The following CWH43 variants were observed in gnomAD, a reference collection of about 807,000 sequenced individuals.
CWH43 encodes PGAP2-interacting protein.
A neutral mutation model predicts 85.7 loss-of-function variants in CWH43; 91 were observed. The ratio of observed to expected loss-of-function variants is 1.06; its 90% CI spans 0.90 to 1.26. The LOEUF (loss-of-function observed/expected upper bound fraction) is 1.26, where lower values mean the gene tolerates loss of function less well. Among genes scored for constraint, CWH43 ranks in the 50% most tolerant of loss-of-function variants. The pLI, the probability that CWH43 is intolerant of heterozygous loss-of-function variation, is 0.00. For missense variants in CWH43, 869 were observed against 839.2 expected (o/e 1.04, Z -0.44); for synonymous variants, 323 against 293.6 (o/e 1.10, Z -1.02).
intron 9 of CWH43, among the ~76,000 whole-genome samples, chr4:49,021,539 T>C (rs1577680776): frequency 2.0e-5 from 3 of 152,252 alleles, no homozygotes; most frequent in Admixed American, 2.0e-4. Flanking sequence ...TGCAGACTCT[T>C]TTTTTGTTCC....
rs184293251 is a variant in CWH43 at position 49,039,627 on chromosome 4, G to A, written c.1803+1447G>A. Among the ~76,000 whole-genome samples the A allele has an allele frequency of 6.6e-5, 10 of 150,724 alleles. No individual in the cohort carries two copies. In the East Asian group the frequency reaches 1.4e-3, roughly 21 times the overall value. ...ATTTTACTACTTTAACTCTTCTTAG[G>A]GTGTAACATTATTTACAGAGTTTGG... is the stretch of plus-strand genomic sequence containing the variant. On this transcript the variant is annotated intron_variant, in intron 13 of 15. Transcript: ENST00000226432.
At chr4:49,051,874 G>A (rs970479602) in intron 15 of CWH43, among the ~76,000 whole-genome samples, 1 of 152,166 alleles carries the variant, frequency 6.6e-6, no homozygotes, top group Non-Finnish European at 1.5e-5. Context: ...ACCGTGCCCG[G>A]CCTTGTTTTG....
chr4:49,007,831 A>G (rs563011657), intron 8 of CWH43, among the ~76,000 whole-genome samples: 2 of 152,302 alleles, frequency 1.3e-5, no homozygotes, highest in Admixed American at 1.3e-4. Context: ...CTAGTATTCC[A>G]TGGTGTATAT....
chr4:49,046,057 TC>T (rs1408786914), intron 14 of CWH43, among the ~76,000 whole-genome samples: 1 of 152,066 alleles, frequency 6.6e-6, no homozygotes, highest in Non-Finnish European at 1.5e-5. Flanking sequence ...ACTCTCAACT[TC>T]TTTTTTATTT....
At chr4:48,991,415 C>T in intron 2 of CWH43, 39 bp from the exon 3 acceptor site, 1 of 1,611,602 alleles carries the variant, frequency 6.2e-7, no homozygotes, top group Non-Finnish European at 8.5e-7. Context: ...CCAATCCATA[C>T]TTGCCAGAAA....
At chr4:49,019,770 G>A (rs182949151) in intron 9 of CWH43, among the ~76,000 whole-genome samples, 1 of 152,064 alleles carries the variant, frequency 6.6e-6, no homozygotes, top group Admixed American at 6.6e-5. Context: ...AGCAGAGACA[G>A]GATTTCACCA....
intron 13 of CWH43, among the ~76,000 whole-genome samples, chr4:49,044,386 AACAGAT>A (rs1784557963): frequency 6.6e-6 from 1 of 152,204 alleles, no homozygotes; most frequent in Admixed American, 6.5e-5. Flanking sequence ...GAGACATAGA[AACAGAT>A]ACCTGGCACG....
At position 48,986,479 on chromosome 4, in the gene CWH43, C is replaced by G. The variant is rs547848767; in HGVS notation, c.43+7C>G. On this transcript the variant is annotated splice_region_variant and intron_variant, in intron 1 of 15. Transcript: ENST00000226432. ...CTCTTGGAGTCGCTGCTGGGTAAGC[C>G]GAAGCCCCTCGCCGCGAGTTCGCGG... 3.9e-6 allele frequency: 6 copies of G among 1,553,446 alleles called. No homozygotes were observed. The African/African-American group carries it at 6.8e-5, about 18-fold the overall frequency.
chr4:48,988,994 A>G (rs4695415), intron 2 of CWH43, among the ~76,000 whole-genome samples: 85,071 of 152,104 alleles, frequency 0.56, 27,093 homozygotes, highest in Middle Eastern at 0.74. Context: ...AGCCATTTAA[A>G]AAAGTTTGTT....
At chr4:49,057,407 G>A (rs1785001195) in intron 15 of CWH43, among the ~76,000 whole-genome samples, 3 of 152,216 alleles carry the variant, frequency 2.0e-5, no homozygotes, top group Non-Finnish European at 4.4e-5. Context: ...TTTCTGATTA[G>A]CCTCTCTGAA....
chr4:49,059,842 G>A (rs1785087707), intron 15 of CWH43, among the ~76,000 whole-genome samples: 1 of 152,086 alleles, frequency 6.6e-6, no homozygotes, highest in African/African-American at 2.4e-5. Context: ...TGATTCCTGG[G>A]GTAGATGTGT....
At chr4:49,009,565 G>T (rs184228503) in intron 8 of CWH43, among the ~76,000 whole-genome samples, 1 of 152,104 alleles carries the variant, frequency 6.6e-6, no homozygotes, top group African/African-American at 2.4e-5. Flanking sequence ...GTTTTCAAAC[G>T]GAATGCTTCC....
intron 6 of CWH43, among the ~76,000 whole-genome samples, chr4:49,001,183 A>T (rs948442517): frequency 2.0e-5 from 3 of 152,220 alleles, no homozygotes; most frequent in Non-Finnish European, 4.4e-5. Context: ...CAGTTAAATT[A>T]GTAAAGCCAG....
At chr4:48,995,873 T>C (rs1246518499) in intron 5 of CWH43, among the ~76,000 whole-genome samples, 2 of 151,886 alleles carry the variant, frequency 1.3e-5, no homozygotes, top group Non-Finnish European at 2.9e-5. Flanking sequence ...TGTCTCTCTT[T>C]AGCAGAATCT....
chr4:49,044,727 A>T, intron 13 of CWH43, 59 bp from the exon 14 acceptor site: 1 of 1,368,240 alleles, frequency 7.3e-7, no homozygotes, highest in Non-Finnish European at 1.0e-6. Flanking sequence ...TTTTTTGGCA[A>T]TGTGGAATAG....
At chr4:49,007,004 G>A (rs1410262834) in intron 7 of CWH43, 197 bp from the exon 8 acceptor site, 3 of 468,996 alleles carry the variant, frequency 6.4e-6, no homozygotes, top group East Asian at 7.9e-5. Flanking sequence ...TTTAAAGCAC[G>A]ATTCCTAGAA....
intron 9 of CWH43, among the ~76,000 whole-genome samples, chr4:49,019,377 G>A (rs1368981660): frequency 1.3e-5 from 2 of 152,046 alleles, no homozygotes; most frequent in African/African-American, 4.8e-5. Flanking sequence ...CACATATAAA[G>A]GACTGAGGGA....
intron 12 of CWH43, among the ~76,000 whole-genome samples, chr4:49,036,708 T>A (rs1271447164): frequency 8.5e-5 from 13 of 152,222 alleles, no homozygotes. Flanking sequence ...TTTCCCACAG[T>A]CCCTTGCCTT....
In CWH43 at chr4:48,993,744, A is replaced by T. The variant is rs1423652925; in HGVS notation, c.512-875A>T. Among the ~76,000 whole-genome samples the T allele has an allele frequency of 2.0e-5, 3 of 151,918 alleles. No homozygotes were observed. The East Asian group carries it at 5.8e-4, about 29-fold the overall frequency. Reference sequence around the variant, plus strand: ...TGTGTGAACTTGGAAAGGCTACCTGATCTCTCTGTGTCTGTTTTCTTGTTT... The same window carrying T: ...TGTGTGAACTTGGAAAGGCTACCTGTTCTCTCTGTGTCTGTTTTCTTGTTT... On this transcript the variant is annotated intron_variant, in intron 4 of 15. Coordinates refer to ENST00000226432, the MANE Select transcript of CWH43 (RefSeq NM_025087.3).
Sources: gnomAD v4.1 joint callset for allele counts (sites outside exome capture counted in the v4.1 genomes callset) on GRCh38, gnomAD v4.1.1 for gene constraint, MANE v1.5 for transcripts, NCBI Gene and HGNC (gene_info 2026-07-23, HGNC 2026-07-21) for gene names.